The following FER1L6 variants were observed in gnomAD, a reference collection of about 807,000 sequenced individuals.
FER1L6 encodes the protein fer-1-like protein 6.
Under a neutral mutation model 219.2 loss-of-function variants are expected in FER1L6, and 177 were observed. The observed-to-expected ratio is 0.81, with a 90% CI of 0.71 to 0.91. FER1L6 has a LOEUF of 0.91. Ranked by LOEUF, FER1L6 falls within the 40% of genes least tolerant of loss-of-function variation. The pLI, the probability that FER1L6 is intolerant of heterozygous loss-of-function variation, is 0.00. For missense variants in FER1L6, 2,153 were observed against 2,259.9 expected (o/e 0.95, Z 0.96); for synonymous variants, 768 against 824.3 (o/e 0.93, Z 1.17).
chr8:123,990,804 G>A (rs78526721), intron 12 of FER1L6, among the ~76,000 whole-genome samples: 6,752 of 152,054 alleles, frequency 0.044, 332 homozygotes, highest in African/African-American at 0.12. Context: ...GGACTGTGTC[G>A]TGAATAGATT....
At chr8:123,963,473 G>A in intron 3 of FER1L6, 75 bp downstream of exon 3, 1 of 1,516,626 alleles carries the variant, frequency 6.6e-7, no homozygotes, top group African/African-American at 1.4e-5. Context: ...TACAGGTGCT[G>A]GGAGAAGAGA....
At chr8:124,050,887 G>A (rs542696453) in intron 22 of FER1L6, among the ~76,000 whole-genome samples, 14 of 152,174 alleles carry the variant, frequency 9.2e-5, no homozygotes, top group South Asian at 6.2e-4. Flanking sequence ...GTATTTTAAC[G>A]TATGAATTTT....
At chr8:124,085,387 C>A (rs566132078) in intron 33 of FER1L6, among the ~76,000 whole-genome samples, 1 of 144,684 alleles carries the variant, frequency 6.9e-6, no homozygotes, top group South Asian at 2.3e-4. Flanking sequence ...CTTAGTACTA[C>A]TTTCATTGTG....
chr8:124,079,732 C>T (rs1821454040), intron 32 of FER1L6, among the ~76,000 whole-genome samples: 1 of 152,174 alleles, frequency 6.6e-6, no homozygotes. Context: ...ATAAAATTGC[C>T]TGTATGATGA....
chr8:123,871,733 A>G (rs1172287616), intron 1 of FER1L6, among the ~76,000 whole-genome samples: 2 of 152,200 alleles, frequency 1.3e-5, no homozygotes, highest in African/African-American at 4.8e-5. Context: ...AGTGGCTTTC[A>G]TTTAATGAGT....
At chr8:124,003,046 C>T (rs1817487753) in intron 12 of FER1L6, 121 bp from the exon 13 acceptor site, 1 of 747,966 alleles carries the variant, frequency 1.3e-6, no homozygotes, top group South Asian at 1.9e-5. Context: ...GCTCTTTCTA[C>T]CTTCATAATG....
intron 31 of FER1L6, among the ~76,000 whole-genome samples, 160 bp downstream of exon 31, chr8:124,071,791 T>C (rs1476405901): frequency 4.6e-5 from 7 of 152,178 alleles, no homozygotes; most frequent in African/African-American, 1.7e-4. Context: ...GTTGGTGTCT[T>C]GTGAGGCCTC....
rs770317585 is a variant in FER1L6, at chr8:123,922,643, C to G, written c.-7-33349C>G. 2.0e-4 allele frequency among the ~76,000 whole-genome samples: 30 copies of G among 152,138 alleles called. 1 individual carries two copies. The highest frequency in any genetic ancestry group is 1.3e-4 in the Non-Finnish European group (9 of 68,030). Reference sequence around the variant, plus strand: ...GAGCCGTGGGCTCCCGTAGGCACCGCCAACCTGGAAATCCTCCACGTCCCT... The same window carrying G: ...GAGCCGTGGGCTCCCGTAGGCACCGGCAACCTGGAAATCCTCCACGTCCCT... On this transcript the variant is annotated intron_variant, in intron 1 of 40. Coordinates refer to ENST00000522917, the MANE Select transcript of FER1L6 (RefSeq NM_001039112.2).
At chr8:124,073,103 T>A (rs568720040) in intron 31 of FER1L6, among the ~76,000 whole-genome samples, 1 of 152,304 alleles carries the variant, frequency 6.6e-6, no homozygotes, top group Non-Finnish European at 1.5e-5. Context: ...TTCTCTAAGA[T>A]ACAGTTTGGG....
chr8:124,014,865 G>C (rs577225673), intron 15 of FER1L6, among the ~76,000 whole-genome samples: 1 of 152,312 alleles, frequency 6.6e-6, no homozygotes, highest in African/African-American at 2.4e-5. Flanking sequence ...CAGGGGTCCA[G>C]GTGTGGCTCA....
At chr8:124,100,138 C>T (rs1195212982) in intron 37 of FER1L6, among the ~76,000 whole-genome samples, 1 of 152,230 alleles carries the variant, frequency 6.6e-6, no homozygotes, top group Non-Finnish European at 1.5e-5. Context: ...CCTTCACTCC[C>T]CTCCTCCCTG....
intron 8 of FER1L6, 119 bp downstream of exon 8, chr8:123,975,425 C>A: frequency 3.1e-6 from 3 of 952,948 alleles, no homozygotes; most frequent in Admixed American, 2.7e-5. Flanking sequence ...TCAGCTTGGT[C>A]ACCTGGCATT....
intron 31 of FER1L6, among the ~76,000 whole-genome samples, chr8:124,075,648 T>C (rs1415448931): frequency 6.6e-6 from 1 of 152,236 alleles, no homozygotes; most frequent in Non-Finnish European, 1.5e-5. Context: ...TGTATACTTT[T>C]ATATGACTGT....
intron 31 of FER1L6, among the ~76,000 whole-genome samples, chr8:124,074,187 A>C (rs752455800): frequency 1.3e-5 from 2 of 152,228 alleles, no homozygotes; most frequent in African/African-American, 4.8e-5. Context: ...GTTGTCTAGA[A>C]TCAGACTTTA....
intron 7 of FER1L6, among the ~76,000 whole-genome samples, chr8:123,974,119 A>G (rs923484575): frequency 5.3e-5 from 8 of 152,352 alleles, no homozygotes; most frequent in African/African-American, 1.9e-4. Flanking sequence ...GCAAGTAAGT[A>G]AAAGAGCCAG....
chr8:123,944,719 C>G (rs960979136), intron 1 of FER1L6, among the ~76,000 whole-genome samples: 3 of 152,102 alleles, frequency 2.0e-5, no homozygotes, highest in African/African-American at 7.2e-5. Flanking sequence ...ACAGGGTAAC[C>G]AGACCTGGGC....
chr8:123,949,456 T>C (rs1814655789), intron 1 of FER1L6, among the ~76,000 whole-genome samples: 2 of 152,220 alleles, frequency 1.3e-5, no homozygotes, highest in Admixed American at 6.5e-5. Flanking sequence ...GGTCAGTGTA[T>C]TGGTGTTCCT....
intron 39 of FER1L6, among the ~76,000 whole-genome samples, chr8:124,108,039 C>CCAGGT (rs1399938495): frequency 6.6e-6 from 1 of 152,168 alleles, no homozygotes; most frequent in East Asian, 1.9e-4. Flanking sequence ...TAGAACAGCC[C>CCAGGT]CAGGTCAGCA....
At chr8:123,926,435 T>C (rs35365805) in intron 1 of FER1L6, among the ~76,000 whole-genome samples, 61,807 of 151,920 alleles carry the variant, frequency 0.41, 12,931 homozygotes, top group South Asian at 0.53. Flanking sequence ...CGAGTGTGCA[T>C]AGGGGAAAGG....
Sources: allele counts gnomAD v4.1 joint callset (sites outside exome capture counted in the v4.1 genomes callset), GRCh38; gene constraint gnomAD v4.1.1; transcripts MANE v1.5; gene names NCBI Gene and HGNC (gene_info 2026-07-23, HGNC 2026-07-21).